Variants in TEK observed in about 807,000 individuals in gnomAD.
TEK encodes angiopoietin-1 receptor.
TEK carries 43 observed loss-of-function variants against 131.8 expected under a neutral mutation model. That is an observed-to-expected ratio of 0.33 (90% CI 0.26 to 0.42). The LOEUF (loss-of-function observed/expected upper bound fraction) is 0.42. Ranked by LOEUF, TEK falls within the 10% of genes least tolerant of loss-of-function variation. The probability of loss-of-function intolerance (pLI) is 1.00; values close to 1 mark genes in which losing one functional copy is unlikely to be tolerated. For synonymous variants in TEK, 580 were observed against 491.6 expected, an observed-to-expected ratio of 1.18 and a Z score of -2.38; for missense variants, 1,162 against 1,384.4, an observed-to-expected ratio of 0.84 and a Z score of 2.55.
In TEK at chr9:27,209,114, T is replaced by C; in HGVS notation, c.2576-7T>C. On this transcript the variant is annotated splice_polypyrimidine_tract_variant and splice_region_variant and intron_variant, in intron 15 of 22. Coordinates refer to ENST00000380036, the MANE Select transcript of TEK (RefSeq NM_000459.5). ...AGAAGAATCACAACCCTTGACTTTC[T>C]TCCCAGAATATGCCTCCAAAGATGA... 1 of 1,605,466 alleles carries C rather than the reference T, an allele frequency of 6.2e-7. No individual in the cohort carries two copies. The highest frequency in any genetic ancestry group is 1.1e-5 in the South Asian group (1 of 90,886).
chr9:27,134,990 T>C (rs7023335), intron 1 of TEK, among the ~76,000 whole-genome samples: 79,464 of 151,920 alleles, frequency 0.52, 21,794 homozygotes, highest in African/African-American at 0.57. Flanking sequence ...TTTCGGAGGC[T>C]GAGGCAGGTG....
chr9:27,198,054 C>CT (rs59953435), intron 12 of TEK, among the ~76,000 whole-genome samples: 15,831 of 151,092 alleles, frequency 0.1, 1,051 homozygotes, highest in Non-Finnish European at 0.14. Flanking sequence ...AATAAAATCA[C>CT]TTTTTTTTTC....
chr9:27,129,238 G>T (rs147037344), intron 1 of TEK, among the ~76,000 whole-genome samples: 1 of 152,166 alleles, frequency 6.6e-6, no homozygotes, highest in African/African-American at 2.4e-5. Flanking sequence ...GATAATCGTG[G>T]TTTTTGTCAT....
intron 1 of TEK, among the ~76,000 whole-genome samples, chr9:27,138,935 C>T (rs1822609891): frequency 6.6e-6 from 1 of 152,004 alleles, no homozygotes. Context: ...CTTAGATGGG[C>T]ACGGTGGCTC....
intron 17 of TEK, 64 bp downstream of exon 17, chr9:27,212,961 A>G (rs1251447042): frequency 1.8e-5 from 28 of 1,558,160 alleles, no homozygotes; most frequent in African/African-American, 4.1e-5. Context: ...GTCAGTTTCA[A>G]TATGTTTGTA....
At chr9:27,188,746 T>C (rs1427746259) in intron 9 of TEK, among the ~76,000 whole-genome samples, 1 of 152,168 alleles carries the variant, frequency 6.6e-6, no homozygotes, top group Non-Finnish European at 1.5e-5. Flanking sequence ...CAGCCCCTGT[T>C]CTAGGCACTG....
chr9:27,209,427 G>A (rs1825520432), intron 16 of TEK, among the ~76,000 whole-genome samples, 196 bp downstream of exon 16: 1 of 152,112 alleles, frequency 6.6e-6, no homozygotes, highest in African/African-American at 2.4e-5. Flanking sequence ...AGGTGCCGAG[G>A]CTGGACTATT....
Position 27,155,588 on chromosome 9 carries a change from A to G in TEK, c.53-2243A>G, listed in dbSNP as rs1180697839. On this transcript the variant is annotated intron_variant, in intron 1 of 22. Transcript: ENST00000380036. The stretch of plus-strand genomic sequence containing the variant: ...AACACTGGCAATTGCCATTAAAAAC[A>G]AATTATATGAGGACTTTATATCAGG... Among the ~76,000 whole-genome samples, 4 of 152,374 alleles carry G rather than the reference A, an allele frequency of 2.6e-5. No individual in the cohort carries two copies. In the East Asian group the frequency reaches 5.8e-4, roughly 22 times the overall value.
At chr9:27,165,300 T>G (rs1223322705) in intron 2 of TEK, among the ~76,000 whole-genome samples, 1 of 152,032 alleles carries the variant, frequency 6.6e-6, no homozygotes, top group Non-Finnish European at 1.5e-5. Context: ...ACAAACCATA[T>G]AGACAGGAAC....
At chr9:27,193,379 T>C (rs1308729776) in intron 11 of TEK, among the ~76,000 whole-genome samples, 1 of 152,140 alleles carries the variant, frequency 6.6e-6, no homozygotes, top group African/African-American at 2.4e-5. Flanking sequence ...AATTTGCATT[T>C]CTAGTAGGTT....
chr9:27,201,891 T>TAAAAA (rs1825224400), intron 12 of TEK, among the ~76,000 whole-genome samples: 1 of 152,128 alleles, frequency 6.6e-6, no homozygotes. Context: ...ATGTGGATCA[T>TAAAAA]AAAAAATCTC....
chr9:27,118,618 T>C (rs1425167100), intron 1 of TEK, among the ~76,000 whole-genome samples: 1 of 152,118 alleles, frequency 6.6e-6, no homozygotes, highest in Non-Finnish European at 1.5e-5. Flanking sequence ...CTGAGTGACA[T>C]AGTGAGACCT....
intron 1 of TEK, among the ~76,000 whole-genome samples, chr9:27,121,894 A>G (rs1229632032): frequency 6.6e-6 from 1 of 152,224 alleles, no homozygotes; most frequent in Non-Finnish European, 1.5e-5. Flanking sequence ...TTGGGCGTGT[A>G]ATTAATGCTA....
intron 19 of TEK, among the ~76,000 whole-genome samples, chr9:27,218,333 C>T (rs1825905823): frequency 6.6e-6 from 1 of 152,018 alleles, no homozygotes; most frequent in South Asian, 2.1e-4. Context: ...TGTGTCCTCA[C>T]TGTATGCAAG....
intron 1 of TEK, among the ~76,000 whole-genome samples, chr9:27,136,654 G>T (rs1439089574): frequency 6.6e-6 from 1 of 151,964 alleles, no homozygotes; most frequent in African/African-American, 2.4e-5. Context: ...CTGAACTGAC[G>T]ACTGGAGACA....
intron 2 of TEK, among the ~76,000 whole-genome samples, chr9:27,159,328 AG>A (rs1823459094): frequency 6.6e-6 from 1 of 152,170 alleles, no homozygotes; most frequent in South Asian, 2.1e-4. Flanking sequence ...ACCTAGGCTC[AG>A]AATTGTACAC....
intron 2 of TEK, among the ~76,000 whole-genome samples, chr9:27,158,491 G>A (rs1823423595): frequency 6.6e-6 from 1 of 152,004 alleles, no homozygotes; most frequent in Admixed American, 6.6e-5. Context: ...ACTATTTTGA[G>A]CTTTCTTATT....
intron 6 of TEK, among the ~76,000 whole-genome samples, chr9:27,176,624 G>A (rs565772350): frequency 6.6e-5 from 10 of 152,202 alleles, no homozygotes; most frequent in Non-Finnish European, 1.3e-4. Flanking sequence ...TCTATACATT[G>A]TGAAATGATT....
At chr9:27,219,165 T>G (rs896796179) in intron 20 of TEK, among the ~76,000 whole-genome samples, 4 of 152,188 alleles carry the variant, frequency 2.6e-5, no homozygotes, top group Admixed American at 6.5e-5. Flanking sequence ...ATGTAATAAT[T>G]TCATGTATAC....
Sources: gnomAD v4.1 joint callset for allele counts (sites outside exome capture counted in the v4.1 genomes callset) on GRCh38, gnomAD v4.1.1 for gene constraint, MANE v1.5 for transcripts, NCBI Gene and HGNC (gene_info 2026-07-23, HGNC 2026-07-21) for gene names.